Variants in MACROD2 observed in about 807,000 individuals in gnomAD.
The protein encoded by MACROD2 is mono-ADP ribosylhydrolase 2, also known as ADP-ribose glycohydrolase MACROD2.
Under a neutral mutation model 70.4 loss-of-function variants are expected in MACROD2, and 36 were observed. That is an observed-to-expected ratio of 0.51 (90% CI 0.39 to 0.68). The LOEUF (loss-of-function observed/expected upper bound fraction) is 0.68, where lower values mean the gene tolerates loss of function less well. MACROD2 is among the 30% of genes least tolerant of loss of function. The pLI is 0.00. For missense variants in MACROD2, 496 were observed against 538.4 expected, an observed-to-expected ratio of 0.92 and a Z score of 0.78; for synonymous variants, 172 against 178.8, an observed-to-expected ratio of 0.96 and a Z score of 0.30.
intron 4 of MACROD2, among the ~76,000 whole-genome samples, chr20:14,517,469 T>G (rs2085114772): frequency 6.6e-6 from 1 of 152,016 alleles, no homozygotes; most frequent in Non-Finnish European, 1.5e-5. Context: ...TTTTCACTCA[T>G]AAGTGGGAGT....
chr20:15,233,979 T>G (rs6034133), intron 6 of MACROD2, among the ~76,000 whole-genome samples: 1 of 49,012 alleles, frequency 2.0e-5, no homozygotes, highest in Non-Finnish European at 3.8e-5. Context: ...TTATATATAT[T>G]TATTTATATA....
intron 5 of MACROD2, among the ~76,000 whole-genome samples, chr20:14,946,991 T>C (rs1005688812): frequency 2.6e-5 from 4 of 152,178 alleles, no homozygotes; most frequent in Admixed American, 2.6e-4. Context: ...GGACATTTAT[T>C]TGGGCAACTC....
chr20:16,019,476 A>G lies in MACROD2; in HGVS notation c.1154-21725A>G, dbSNP rs778922519. On this transcript the variant is annotated intron_variant, in intron 15 of 17. Transcript: ENST00000684519. The stretch of plus-strand genomic sequence containing the variant: ...AATGTGGCACAGTGTGGCGCTTGCC[A>G]TCATGCACCCACATTCACTGGAGAC... Among the ~76,000 whole-genome samples the G allele has an allele frequency of 1.3e-5, 2 of 152,206 alleles. 1 individual carries two copies. The highest frequency in any genetic ancestry group is 4.1e-4 in the South Asian group (2 of 4,826).
At chr20:14,071,181 T>A (rs1019278532) in intron 2 of MACROD2, among the ~76,000 whole-genome samples, 2 of 151,366 alleles carry the variant, frequency 1.3e-5, no homozygotes, top group African/African-American at 2.4e-5. Context: ...TTCTGTTATA[T>A]CCTCAAATGG....
intron 4 of MACROD2, among the ~76,000 whole-genome samples, chr20:14,571,122 A>C (rs935666311): frequency 4.6e-5 from 7 of 152,114 alleles, no homozygotes; most frequent in African/African-American, 1.7e-4. Context: ...GCTCAGATTC[A>C]GAAGCAGTTG....
At chr20:14,885,946 T>C (rs1053279577) in intron 5 of MACROD2, among the ~76,000 whole-genome samples, 2 of 152,200 alleles carry the variant, frequency 1.3e-5, no homozygotes, top group Non-Finnish European at 2.9e-5. Flanking sequence ...GCCCTGGAGA[T>C]ACTACAGTGA....
At chr20:14,360,812 A>G (rs571024901) in intron 3 of MACROD2, among the ~76,000 whole-genome samples, 1 of 152,288 alleles carries the variant, frequency 6.6e-6, no homozygotes, top group East Asian at 1.9e-4. Context: ...ATTTTATTTA[A>G]TGATACAGGT....
intron 3 of MACROD2, chr20:14,325,424 T>C: frequency 2.3e-6 from 2 of 863,532 alleles, no homozygotes; most frequent in South Asian, 2.7e-5. Context: ...ATATAAATTA[T>C]ATGGCAAATG....
chr20:14,763,560 C>T (rs2072044944), intron 5 of MACROD2, among the ~76,000 whole-genome samples: 1 of 151,966 alleles, frequency 6.6e-6, no homozygotes, highest in South Asian at 2.1e-4. Context: ...ATATGACTGA[C>T]AGTAAAAGAA....
intron 4 of MACROD2, among the ~76,000 whole-genome samples, chr20:14,629,950 AAGG>A (rs1161256617): frequency 1.3e-4 from 18 of 134,884 alleles, no homozygotes; most frequent in Non-Finnish European, 2.1e-4. Context: ...ATTATGTGCT[AAGG>A]TCTATCTATC....
chr20:14,668,012 A>G (rs2070755021), intron 4 of MACROD2, among the ~76,000 whole-genome samples: 1 of 152,072 alleles, frequency 6.6e-6, no homozygotes, highest in African/African-American at 2.4e-5. Context: ...GCTGGGCATC[A>G]TGGTGCCCTC....
intron 3 of MACROD2, among the ~76,000 whole-genome samples, chr20:14,183,483 T>A (rs2081320846): frequency 1.3e-5 from 2 of 152,180 alleles, no homozygotes; most frequent in South Asian, 4.1e-4. Flanking sequence ...AGTGTTGCAA[T>A]AAACAGACAC....
chr20:14,765,540 T>G lies in MACROD2; in HGVS notation c.418+80581T>G, dbSNP rs193148600. Among the ~76,000 whole-genome samples, 560 of 152,006 alleles carry G rather than the reference T, an allele frequency of 3.7e-3. 17 individuals are homozygous for G. Among genetic ancestry groups the G allele is most frequent in the Non-Finnish European group, 6.5e-4 (44 of 68,000 alleles). ...AGCCAAGTCAGTGATTCATCAGGAG[T>G]TAGTAGATAGGGTAGCTAGTGGTGG... On this transcript the variant is annotated intron_variant, in intron 5 of 17. Transcript: ENST00000684519.
At chr20:15,312,333 T>C (rs2077761998) in intron 6 of MACROD2, among the ~76,000 whole-genome samples, 1 of 152,228 alleles carries the variant, frequency 6.6e-6, no homozygotes, top group Non-Finnish European at 1.5e-5. Context: ...ATTTTTAAAG[T>C]CCTTTTTTAG....
chr20:15,830,851 A>G (rs1281284837), intron 8 of MACROD2, among the ~76,000 whole-genome samples: 1 of 152,262 alleles, frequency 6.6e-6, no homozygotes, highest in Non-Finnish European at 1.5e-5. Flanking sequence ...ACTATCATTT[A>G]TGTGTTATAG....
chr20:15,484,632 T>A (rs2047141912), intron 7 of MACROD2, among the ~76,000 whole-genome samples: 1 of 152,210 alleles, frequency 6.6e-6, no homozygotes, highest in South Asian at 2.1e-4. Context: ...CTGTGGCATG[T>A]TTCAAGATGT....
chr20:14,629,957 A>G lies in MACROD2; in HGVS notation c.302-54886A>G, dbSNP rs867775512. Among the ~76,000 whole-genome samples, 3 of 122,908 alleles carry G rather than the reference A, an allele frequency of 2.4e-5. No homozygotes were observed. The South Asian group carries it at 8.0e-4, about 33-fold the overall frequency. The allele number at this position is 122,908 out of a possible 152,430, so 80.6% of individuals were successfully genotyped here. A position where few individuals can be genotyped will look rare whatever the true frequency, so the allele number is the denominator to read the frequency against. Reference sequence around the variant, plus strand: ...CAGATCCTATTATGTGCTAAGGTCTATCTATCTATCTATCTATCTATCTAT... The same window carrying G: ...CAGATCCTATTATGTGCTAAGGTCTGTCTATCTATCTATCTATCTATCTAT... On this transcript the variant is annotated intron_variant, in intron 4 of 17. Coordinates refer to ENST00000684519, the MANE Select transcript of MACROD2 (RefSeq NM_001351661.2).
At chr20:14,273,044 G>T (rs1300499614) in intron 3 of MACROD2, among the ~76,000 whole-genome samples, 2 of 151,690 alleles carry the variant, frequency 1.3e-5, no homozygotes, top group South Asian at 4.2e-4. Context: ...CAATAATAAT[G>T]GGAGACTTTA....
In MACROD2 at chr20:14,297,280, A is replaced by G. The variant is rs188980754; in HGVS notation, c.272-196199A>G. Among the ~76,000 whole-genome samples, 154 of 151,994 alleles carry G rather than the reference A, an allele frequency of 1.0e-3. 1 individual carries two copies. Among genetic ancestry groups the G allele is most frequent in the African/African-American group, 3.5e-3 (144 of 41,332 alleles). On this transcript the variant is annotated intron_variant, in intron 3 of 17. Transcript: ENST00000684519. Reference sequence around the variant, plus strand: ...ATGTTCAAATAAAAGGAAGAGTCCTATGTCTCTCACTTAAAATCAAAAGCT... The same window carrying G: ...ATGTTCAAATAAAAGGAAGAGTCCTGTGTCTCTCACTTAAAATCAAAAGCT...
Sources: allele counts gnomAD v4.1 joint callset (sites outside exome capture counted in the v4.1 genomes callset), GRCh38; gene constraint gnomAD v4.1.1; transcripts MANE v1.5; gene names NCBI Gene and HGNC (gene_info 2026-07-23, HGNC 2026-07-21).